CDH23: variants seen among roughly 807,000 people sequenced by gnomAD.
The protein encoded by CDH23 is cadherin related 23.
In CDH23, 189 loss-of-function variants were observed where a neutral mutation model predicts 317.1. That is an observed-to-expected ratio of 0.60 (90% CI 0.53 to 0.67). The LOEUF (loss-of-function observed/expected upper bound fraction) is 0.67, where lower values mean the gene tolerates loss of function less well. CDH23 is among the 30% of genes least tolerant of loss of function. The pLI is 0.00. For synonymous variants in CDH23, 1,839 were observed against 1,876.8 expected, an observed-to-expected ratio of 0.98 and a Z score of 0.52; for missense variants, 4,401 against 4,592.4, an observed-to-expected ratio of 0.96 and a Z score of 1.20.
intron 11 of CDH23, among the ~76,000 whole-genome samples, chr10:71,618,846 T>TGTGTGCACAC (rs534980913): frequency 1.4e-5 from 2 of 138,100 alleles, no homozygotes; most frequent in African/African-American, 2.8e-5. Flanking sequence ...TGCACACGTG[T>TGTGTGCACAC]GTGTGTGTGT....
intron 69 of CDH23, among the ~76,000 whole-genome samples, chr10:71,814,131 T>G (rs1842040016): frequency 6.6e-6 from 1 of 152,202 alleles, no homozygotes; most frequent in Non-Finnish European, 1.5e-5. Context: ...CTGCAGCTTG[T>G]CCTATTGACA....
chr10:71,734,806 C>G (rs1439183047), intron 34 of CDH23, 148 bp downstream of exon 34: 4 of 511,234 alleles, frequency 7.8e-6, no homozygotes, highest in African/African-American at 5.8e-5. Context: ...TGCCTCCACT[C>G]TCACACCTGA....
chr10:71,808,046 C>A, intron 60 of CDH23, 39 bp downstream of exon 60: 1 of 1,558,112 alleles, frequency 6.4e-7, no homozygotes, highest in Non-Finnish European at 8.7e-7. Context: ...CTAGCCATGA[C>A]CTCTCAGTCA....
intron 10 of CDH23, among the ~76,000 whole-genome samples, chr10:71,616,824 A>C (rs1243838368): frequency 6.6e-6 from 1 of 152,204 alleles, no homozygotes; most frequent in African/African-American, 2.4e-5. Flanking sequence ...ACCAGCACAA[A>C]CATTCTTGGC....
intron 28 of CDH23, among the ~76,000 whole-genome samples, chr10:71,720,639 CCA>C (rs1399739432): frequency 2.6e-5 from 4 of 152,250 alleles, no homozygotes; most frequent in African/African-American, 9.6e-5. Context: ...TTTTGGAGCC[CCA>C]GTTTCTGGTT....
At chr10:71,483,523 C>T (rs999955054) in intron 3 of CDH23, among the ~76,000 whole-genome samples, 10 of 152,180 alleles carry the variant, frequency 6.6e-5, no homozygotes, top group Admixed American at 3.9e-4. Context: ...AGAACCCAGG[C>T]GAGCACCATC....
rs753235775 is a variant in CDH23 at position 71,809,887 on chromosome 10, G to A, written c.8790G>A (p.Val2930=). Residue 2930 remains valine (V), a synonymous_variant, in exon 61 of 70, where the codon GTG becomes GTA. Coordinates refer to ENST00000224721, the MANE Select transcript of CDH23 (RefSeq NM_022124.6). ...FMAYSPGYFV[V]DIVARDLAGH... ...CCTACAGCCCCGGCTACTTCGTGGT[G>A]GACATTGTGGCCCGAGACCTGGCAG... is the stretch of plus-strand genomic sequence containing the variant. The A allele has an allele frequency of 9.9e-6, 16 of 1,613,300 alleles. No individual in the cohort carries two copies. Among genetic ancestry groups the A allele is most frequent in the Non-Finnish European group, 1.4e-5 (16 of 1,179,912 alleles).
rs779749075 is a variant in CDH23 at position 71,807,421 on chromosome 10, A to C, written c.8308+15A>C. On this transcript the variant is annotated intron_variant, in intron 58 of 69. Coordinates refer to ENST00000224721, the MANE Select transcript of CDH23 (RefSeq NM_022124.6). The stretch of plus-strand genomic sequence containing the variant: ...CTTCATCGCAGGTGGGGCCAGACAG[A>C]GCTAGTGCCCTGATTACCCTGGGGC... The C allele has an allele frequency of 6.2e-7, 1 of 1,613,664 alleles. No individual in the cohort carries two copies. The highest frequency in any genetic ancestry group is 1.7e-5 in the Admixed American group (1 of 59,994).
chr10:71,743,993 GC>G (rs1372666594), intron 38 of CDH23, among the ~76,000 whole-genome samples: 2 of 152,170 alleles, frequency 1.3e-5, no homozygotes, highest in Non-Finnish European at 2.9e-5. Context: ...AGCTACTTCT[GC>G]CCTTTTATCA....
intron 6 of CDH23, among the ~76,000 whole-genome samples, chr10:71,542,359 G>T (rs1856033329): frequency 6.6e-6 from 1 of 152,222 alleles, no homozygotes; most frequent in Non-Finnish European, 1.5e-5. Flanking sequence ...GAGGACAAAA[G>T]AATCCCTAGG....
chr10:71,588,224 T>C (rs1859217261), intron 9 of CDH23, among the ~76,000 whole-genome samples: 1 of 152,210 alleles, frequency 6.6e-6, no homozygotes, highest in African/African-American at 2.4e-5. Flanking sequence ...CCTACGTTTC[T>C]ATCAGCGTGT....
chr10:71,664,964 A>G (rs1476807678), intron 14 of CDH23, among the ~76,000 whole-genome samples: 1 of 151,736 alleles, frequency 6.6e-6, no homozygotes, highest in Non-Finnish European at 1.5e-5. Flanking sequence ...CTAGAAGTCC[A>G]TCTACTCAGG....
intron 9 of CDH23, among the ~76,000 whole-genome samples, chr10:71,603,232 G>A (rs1860333367): frequency 6.6e-6 from 1 of 152,146 alleles, no homozygotes; most frequent in African/African-American, 2.4e-5. Context: ...TCTTCTCCTT[G>A]GGCGTCTGAT....
At chr10:71,761,976 G>A in intron 38 of CDH23, 1 of 1,613,688 alleles carries the variant, frequency 6.2e-7, no homozygotes, top group Non-Finnish European at 8.5e-7. Context: ...TGCCCCTCGG[G>A]ACAGACATAC....
chr10:71,659,502 G>A (rs887599690), intron 14 of CDH23, among the ~76,000 whole-genome samples: 6 of 152,274 alleles, frequency 3.9e-5, no homozygotes, highest in Non-Finnish European at 4.4e-5. Context: ...CTCTGTACAG[G>A]GGATAGTAGC....
At chr10:71,680,369 C>G (rs772564558) in intron 17 of CDH23, among the ~76,000 whole-genome samples, 5 of 152,306 alleles carry the variant, frequency 3.3e-5, no homozygotes, top group Non-Finnish European at 7.4e-5. Flanking sequence ...CAGAAGGAAT[C>G]GATGTGCGTT....
At chr10:71,620,550 C>T (rs1327347015) in intron 11 of CDH23, among the ~76,000 whole-genome samples, 1 of 152,184 alleles carries the variant, frequency 6.6e-6, no homozygotes, top group Admixed American at 6.5e-5. Flanking sequence ...CTGGGTCCAA[C>T]CCGCCTCTAG....
intron 3 of CDH23, among the ~76,000 whole-genome samples, chr10:71,507,920 T>C (rs932472375): frequency 7.2e-5 from 11 of 152,238 alleles, no homozygotes; most frequent in African/African-American, 2.7e-4. Context: ...TGGCTCACCA[T>C]TGTGCTTTGG....
rs758892056 is a variant in CDH23, at chr10:71,790,159, C to T, written c.5924-129C>T. On this transcript the variant is annotated intron_variant, in intron 45 of 69. Coordinates refer to ENST00000224721, the MANE Select transcript of CDH23 (RefSeq NM_022124.6). ...CCGCAGGCCCGCCCCCAGGGCCTCCCCACCCTGTCCACCTCACCTCCCTCC... is the reference window on the plus strand; with the variant it reads ...CCGCAGGCCCGCCCCCAGGGCCTCCTCACCCTGTCCACCTCACCTCCCTCC... 3.5e-4 allele frequency: 458 copies of T among 1,323,790 alleles called. 1 individual carries two copies. The highest frequency in any genetic ancestry group is 2.1e-3 in the Middle Eastern group (8 of 3,826). The allele number at this position is 1,323,790 out of a possible 1,614,324, so 82.0% of individuals were successfully genotyped here.
Sources: gnomAD v4.1 joint callset for allele counts (sites outside exome capture counted in the v4.1 genomes callset) on GRCh38, gnomAD v4.1.1 for gene constraint, MANE v1.5 for transcripts, NCBI Gene and HGNC (gene_info 2026-07-23, HGNC 2026-07-21) for gene names.